Variants in NINL observed in about 807,000 individuals in gnomAD.
NINL encodes the protein ninein-like protein.
Under a neutral mutation model 160.3 loss-of-function variants are expected in NINL, and 153 were observed. That is an observed-to-expected ratio of 0.95 (90% CI 0.84 to 1.09). The LOEUF is 1.09. Ranked by LOEUF, NINL falls within the 50% of genes least tolerant of loss-of-function variation. The probability of loss-of-function intolerance (pLI) is 0.00; values close to 1 mark genes in which losing one functional copy is unlikely to be tolerated. For synonymous variants in NINL, 800 were observed against 734.8 expected (o/e 1.09, Z -1.43); for missense variants, 1,829 against 1,764.0 (o/e 1.04, Z -0.66).
At chr20:25,515,013 G>T (rs961674417) in intron 3 of NINL, among the ~76,000 whole-genome samples, 5 of 152,172 alleles carry the variant, frequency 3.3e-5, no homozygotes, top group Admixed American at 6.5e-5. Flanking sequence ...TGGGGTTGGG[G>T]CCCACCCAGA....
intron 2 of NINL, among the ~76,000 whole-genome samples, chr20:25,519,543 A>G (rs1159518214): frequency 2.0e-5 from 3 of 152,224 alleles, no homozygotes; most frequent in South Asian, 4.1e-4. Context: ...GAAATAATTT[A>G]TAACTTATAA....
intron 1 of NINL, among the ~76,000 whole-genome samples, chr20:25,552,043 C>T (rs1310601392): frequency 1.3e-5 from 2 of 152,164 alleles, no homozygotes; most frequent in African/African-American, 2.4e-5. Flanking sequence ...CACTATGACA[C>T]ATTGTTGTGA....
chr20:25,540,619 A>G (rs55792313), intron 1 of NINL, among the ~76,000 whole-genome samples: 36,735 of 152,050 alleles, frequency 0.24, 4,833 homozygotes, highest in East Asian at 0.57. Context: ...GGATCTCTGT[A>G]AATCCTGCTC....
intron 1 of NINL, among the ~76,000 whole-genome samples, chr20:25,567,785 C>T (rs531994601): frequency 4.0e-5 from 6 of 151,772 alleles, no homozygotes; most frequent in South Asian, 2.1e-4. Flanking sequence ...AAGATGCAAC[C>T]GAAAATCTCC....
chr20:25,525,935 T>C (rs1313214877), intron 2 of NINL, among the ~76,000 whole-genome samples: 1 of 152,220 alleles, frequency 6.6e-6, no homozygotes, highest in African/African-American at 2.4e-5. Flanking sequence ...CTTTTGGACA[T>C]GGGTATCCTT....
At chr20:25,509,716 C>G (rs1746117458) in intron 5 of NINL, 1 of 456,656 alleles carries the variant, frequency 2.2e-6, no homozygotes, top group African/African-American at 2.0e-5. Context: ...TCATGTAAGT[C>G]AGCAGTAACT....
Position 25,531,003 on chromosome 20 carries a change from G to A in NINL, c.-11-4405C>T, listed in dbSNP as rs557860980. ...AAGCCTGGGAGCGCTACGGGAGACT[G>A]GAGCTTATTTCATCCCTACAGCTCA... On this transcript the variant is annotated intron_variant, in intron 1 of 23. Transcript: ENST00000278886. Among the ~76,000 whole-genome samples the A allele has an allele frequency of 2.6e-5, 4 of 152,026 alleles. No individual in the cohort carries two copies. The East Asian group carries it at 5.8e-4, about 22-fold the overall frequency.
intron 1 of NINL, among the ~76,000 whole-genome samples, chr20:25,538,749 G>A (rs1044501514): frequency 3.3e-5 from 5 of 152,052 alleles, no homozygotes; most frequent in African/African-American, 1.2e-4. Flanking sequence ...ACAGGGGTGG[G>A]TAGCACAGAA....
intron 4 of NINL, 143 bp from the exon 5 acceptor site, chr20:25,510,883 C>T (rs968933788): frequency 1.5e-6 from 1 of 660,542 alleles, no homozygotes; most frequent in South Asian, 1.8e-5. Context: ...AAGCCCACCC[C>T]CACCTTGGGG....
At chr20:25,560,576 G>A (rs538967387) in intron 1 of NINL, among the ~76,000 whole-genome samples, 1 of 152,262 alleles carries the variant, frequency 6.6e-6, no homozygotes, top group East Asian at 1.9e-4. Context: ...TGCTCACTCT[G>A]GTTTCTGTCA....
At position 25,482,019 on chromosome 20, in the gene NINL, A is replaced by G. The variant is rs1184114805; in HGVS notation, c.1759T>C (p.Ser587Pro). Residue 587 changes from serine to proline, a missense_variant, in exon 14 of 24, where the codon TCA becomes CCA. Physicochemically the swap from Ser to Pro is moderately conservative, Grantham distance 74. Transcript: ENST00000278886. ...ARLPKNRHSP[S>P]WSPDGRRRQL... ...CGTCTGCGCCCATCCGGGCTCCATGAGGGGCTGTGCCGGTTCTTGGGCAGC... is the reference window on the plus strand; with the variant it reads ...CGTCTGCGCCCATCCGGGCTCCATGGGGGGCTGTGCCGGTTCTTGGGCAGC... 3.1e-6 allele frequency: 5 copies of G among 1,598,452 alleles called. No individual in the cohort carries two copies. In the African/African-American group the frequency reaches 6.7e-5, roughly 21 times the overall value.
At chr20:25,474,449 G>T (rs1036020241) in intron 17 of NINL, among the ~76,000 whole-genome samples, 2 of 152,242 alleles carry the variant, frequency 1.3e-5, no homozygotes, top group Non-Finnish European at 1.5e-5. Context: ...CAGCAACCGG[G>T]TCTCTGACAC....
At chr20:25,565,577 A>G (rs2064990392) in intron 1 of NINL, among the ~76,000 whole-genome samples, 1 of 152,224 alleles carries the variant, frequency 6.6e-6, no homozygotes, top group Non-Finnish European at 1.5e-5. Context: ...CTGTAGTATA[A>G]TCACAGTGAA....
At chr20:25,511,913 A>AT (rs2064076972) in intron 4 of NINL, among the ~76,000 whole-genome samples, 1 of 152,224 alleles carries the variant, frequency 6.6e-6, no homozygotes, top group Admixed American at 6.5e-5. Flanking sequence ...TGTGCTCCTG[A>AT]TCGAGACCCA....
At chr20:25,509,955 A>G (rs1309643916) in intron 5 of NINL, among the ~76,000 whole-genome samples, 1 of 152,204 alleles carries the variant, frequency 6.6e-6, no homozygotes, top group African/African-American at 2.4e-5. Context: ...TTCTGTCCCC[A>G]TGACATATGT....
chr20:25,501,032 A>G (rs997088564), intron 7 of NINL, 22 bp from the exon 8 acceptor site: 5 of 1,610,638 alleles, frequency 3.1e-6, no homozygotes, highest in Non-Finnish European at 3.4e-6. Flanking sequence ...GAAGACTTCC[A>G]TAGCGCCCAG....
At chr20:25,551,338 C>T (rs2064805461) in intron 1 of NINL, among the ~76,000 whole-genome samples, 1 of 151,858 alleles carries the variant, frequency 6.6e-6, no homozygotes, top group African/African-American at 2.4e-5. Flanking sequence ...CCCACACATT[C>T]CAGCCTGGGC....
chr20:25,502,124 CAT>C (rs1202085132), intron 7 of NINL, among the ~76,000 whole-genome samples: 2 of 152,108 alleles, frequency 1.3e-5, no homozygotes, highest in African/African-American at 4.8e-5. Flanking sequence ...TGGGATTACA[CAT>C]GTGTACCACC....
chr20:25,491,171 C>T (rs2063623649), intron 11 of NINL, among the ~76,000 whole-genome samples, 180 bp downstream of exon 11: 1 of 152,254 alleles, frequency 6.6e-6, no homozygotes, highest in South Asian at 2.1e-4. Context: ...AGGACCCCTT[C>T]TGCTCTGCAG....
Sources: gnomAD v4.1 joint callset for allele counts (sites outside exome capture counted in the v4.1 genomes callset) on GRCh38, gnomAD v4.1.1 for gene constraint, MANE v1.5 for transcripts, NCBI Gene and HGNC (gene_info 2026-07-23, HGNC 2026-07-21) for gene names.